Variants in PCED1B observed in about 807,000 individuals in gnomAD.
PCED1B encodes PC-esterase domain-containing protein 1B.
For synonymous variants in PCED1B, 251 were observed against 246.1 expected, an observed-to-expected ratio of 1.02 and a Z score of -0.19; for missense variants, 573 against 573.9, an observed-to-expected ratio of 1.00 and a Z score of 0.02.
intron 2 of PCED1B, among the ~76,000 whole-genome samples, chr12:47,146,640 G>A (rs1940794880): frequency 6.6e-6 from 1 of 152,096 alleles, no homozygotes. Flanking sequence ...ATGATTATTA[G>A]CATTTTTAGC....
chr12:47,172,340 C>CTTTTTTTTTTTTTTTTTTTTTTGTTTT (rs34230051), intron 2 of PCED1B, among the ~76,000 whole-genome samples: 6 of 78,336 alleles, frequency 7.7e-5, no homozygotes, highest in Admixed American at 1.5e-4. Context: ...TCGTGGGTTG[C>CTTTTTTTTTTTTTTTTTTTTTTGTTTT]TTTTTTTTTT....
chr12:47,227,277 T>G (rs2692366), intron 3 of PCED1B, among the ~76,000 whole-genome samples: 19,559 of 152,114 alleles, frequency 0.13, 1,320 homozygotes, highest in African/African-American at 0.16. Context: ...GTTCAAGCGA[T>G]TCTCCCGCCT....
intron 2 of PCED1B, among the ~76,000 whole-genome samples, chr12:47,179,961 C>G (rs1403578091): frequency 6.6e-6 from 1 of 151,914 alleles, no homozygotes; most frequent in African/African-American, 2.4e-5. Flanking sequence ...TTTTAAGTTC[C>G]AGGGTACATG....
chr12:47,214,576 G>C (rs926626947), intron 2 of PCED1B, among the ~76,000 whole-genome samples: 4 of 152,080 alleles, frequency 2.6e-5, no homozygotes, highest in Non-Finnish European at 5.9e-5. Context: ...GGGAAGCTGA[G>C]GTGGGAGGAT....
chr12:47,164,313 G>A (rs1941477797), intron 2 of PCED1B, among the ~76,000 whole-genome samples: 1 of 152,114 alleles, frequency 6.6e-6, no homozygotes, highest in Non-Finnish European at 1.5e-5. Context: ...AGATACAATG[G>A]TGAGACAGAC....
intron 2 of PCED1B, among the ~76,000 whole-genome samples, chr12:47,172,340 C>CTTTTTTTTTTTTTTTTTTTTTTGT (rs34230051): frequency 4.1e-4 from 32 of 78,328 alleles, no homozygotes; most frequent in African/African-American, 4.8e-4. Context: ...TCGTGGGTTG[C>CTTTTTTTTTTTTTTTTTTTTTTGT]TTTTTTTTTT....
intron 1 of PCED1B, among the ~76,000 whole-genome samples, chr12:47,102,180 C>T (rs1054306242): frequency 6.6e-6 from 1 of 152,168 alleles, no homozygotes; most frequent in Non-Finnish European, 1.5e-5. Context: ...ACATCATTAG[C>T]TTTTAAATAC....
intron 2 of PCED1B, among the ~76,000 whole-genome samples, chr12:47,139,680 CAA>C (rs143259741): frequency 1.3e-5 from 2 of 151,972 alleles, no homozygotes; most frequent in Admixed American, 1.3e-4. Flanking sequence ...GCATGTGTGG[CAA>C]AGTCTTGTGC....
intron 1 of PCED1B, among the ~76,000 whole-genome samples, chr12:47,086,550 A>G (rs1044639944): frequency 6.6e-6 from 1 of 152,070 alleles, no homozygotes; most frequent in African/African-American, 2.4e-5. Flanking sequence ...AAACAAGCAA[A>G]CCTCTTTTTA....
intron 2 of PCED1B, among the ~76,000 whole-genome samples, chr12:47,139,571 A>G (rs569991561): frequency 6.6e-6 from 1 of 152,292 alleles, no homozygotes; most frequent in African/African-American, 2.4e-5. Flanking sequence ...AGAGTTGGAA[A>G]TAAGGTCAGG....
intron 3 of PCED1B, among the ~76,000 whole-genome samples, chr12:47,217,303 G>A (rs1475072307): frequency 6.6e-6 from 1 of 151,746 alleles, no homozygotes; most frequent in Non-Finnish European, 1.5e-5. Context: ...TAGGGAGGCT[G>A]AAGTGGGAGG....
intron 2 of PCED1B, among the ~76,000 whole-genome samples, chr12:47,153,959 A>G (rs949026941): frequency 3.3e-5 from 5 of 152,074 alleles, no homozygotes; most frequent in African/African-American, 1.2e-4. Flanking sequence ...TTCTTTCTCT[A>G]TGTGTTTCAA....
chr12:47,235,406 G>C lies in PCED1B; in HGVS notation c.343G>C (p.Ala115Pro). ...GAAAGAGCTGCAGTCGGGCGAGCAC[G>C]CCCCCGACCTGGTCATCATGAATTC... Reference protein sequence around the residue: ...ILKELQSGEHAPDLVIMNSCL... With the variant: ...ILKELQSGEHPPDLVIMNSCL... The change falls in exon 4 of 4, where the codon GCC becomes CCC. Residue 115 changes from alanine (A) to proline (P), a missense_variant. Physicochemically the swap from Ala to Pro is conservative, Grantham distance 27. Transcript: ENST00000546455. 6.2e-7 allele frequency: 1 copy of C among 1,614,106 alleles called. No individual in the cohort carries two copies. The highest frequency in any genetic ancestry group is 8.5e-7 in the Non-Finnish European group (1 of 1,180,020).
intron 2 of PCED1B, among the ~76,000 whole-genome samples, chr12:47,123,430 TA>T (rs796342545): frequency 1.3e-4 from 20 of 152,244 alleles, no homozygotes; most frequent in African/African-American, 4.8e-4. Context: ...TTAATTTTTT[TA>T]TGACATCAAT....
intron 2 of PCED1B, among the ~76,000 whole-genome samples, chr12:47,113,379 T>C (rs1190792603): frequency 6.6e-6 from 1 of 152,292 alleles, no homozygotes; most frequent in Non-Finnish European, 1.5e-5. Context: ...CATGATTTAG[T>C]TCAATCTTCA....
intron 2 of PCED1B, among the ~76,000 whole-genome samples, chr12:47,205,629 T>C (rs1448552902): frequency 6.6e-6 from 1 of 152,188 alleles, no homozygotes; most frequent in Non-Finnish European, 1.5e-5. Context: ...GTCAGATTTC[T>C]TTCACTGACA....
chr12:47,222,379 G>A (rs190397522), intron 3 of PCED1B, among the ~76,000 whole-genome samples: 2,880 of 131,996 alleles, frequency 0.022, 94 homozygotes, highest in African/African-American at 0.08. Flanking sequence ...CTGAGATCAC[G>A]CCATTGCACT....
chr12:47,212,074 C>CAAA (rs34413650), intron 2 of PCED1B, among the ~76,000 whole-genome samples: 1 of 89,144 alleles, frequency 1.1e-5, no homozygotes, highest in African/African-American at 4.5e-5. Flanking sequence ...GACTCCGTCT[C>CAAA]AAAAAAAAAA....
intron 2 of PCED1B, among the ~76,000 whole-genome samples, chr12:47,131,673 C>CTTTTTTT (rs760678015): frequency 2.3e-5 from 3 of 127,990 alleles, no homozygotes; most frequent in Admixed American, 7.6e-5. Context: ...TGTTTTACTT[C>CTTTTTTT]TTTTTTTTTT....
Sources: gnomAD v4.1 joint callset for allele counts (sites outside exome capture counted in the v4.1 genomes callset) on GRCh38, gnomAD v4.1.1 for gene constraint, MANE v1.5 for transcripts, NCBI Gene and HGNC (gene_info 2026-07-23, HGNC 2026-07-21) for gene names.